HNRNPM: variants seen among roughly 807,000 people sequenced by gnomAD.
The protein encoded by HNRNPM is heterogeneous nuclear ribonucleoprotein M.
A neutral mutation model predicts 73.1 loss-of-function variants in HNRNPM; 11 were observed. The ratio of observed to expected loss-of-function variants is 0.15; its 90% CI spans 0.09 to 0.25. HNRNPM has a LOEUF of 0.25. Among genes scored for constraint, HNRNPM ranks in the 10% least tolerant of loss-of-function variants. The probability of loss-of-function intolerance (pLI) is 1.00; values close to 1 mark genes in which losing one functional copy is unlikely to be tolerated. For missense variants in HNRNPM, 789 were observed against 1,067.9 expected, an observed-to-expected ratio of 0.74 and a Z score of 3.64; for synonymous variants, 407 against 355.2, an observed-to-expected ratio of 1.15 and a Z score of -1.64.
intron 12 of HNRNPM, among the ~76,000 whole-genome samples, chr19:8,474,560 A>G (rs1970374277): frequency 6.6e-6 from 1 of 152,136 alleles, no homozygotes; most frequent in South Asian, 2.1e-4. Flanking sequence ...TTTGTAATCA[A>G]GTTTGTCTCT....
chr19:8,476,523 G>A (rs77496093), intron 12 of HNRNPM, among the ~76,000 whole-genome samples: 1,714 of 151,828 alleles, frequency 0.011, 34 homozygotes, highest in African/African-American at 0.038. Context: ...TCGGCCAGGC[G>A]CGGTGGCTCA....
intron 2 of HNRNPM, among the ~76,000 whole-genome samples, chr19:8,458,735 TTAAG>T (rs1969194770): frequency 1.3e-5 from 2 of 152,322 alleles, no homozygotes; most frequent in South Asian, 4.1e-4. Flanking sequence ...ATACACCACT[TTAAG>T]TAAATTTCAA....
At position 8,462,267 on chromosome 19, in the gene HNRNPM, G is replaced by T; in HGVS notation, c.284-262G>T. 2.2e-6 allele frequency: 1 copy of T among 445,448 alleles called. No homozygotes were observed. Among genetic ancestry groups the T allele is most frequent in the Non-Finnish European group, 4.1e-6 (1 of 242,596 alleles). The allele number at this position is 445,448 out of a possible 1,614,324, so 27.6% of individuals were successfully genotyped here. A position where few individuals can be genotyped will look rare whatever the true frequency, so the allele number is the denominator to read the frequency against. ...CCTCTAGTCATGAATGAGTCTTCCA[G>T]ACAGGGAAATTGATACGGAAATCTG... On this transcript the variant is annotated intron_variant, in intron 2 of 15. Coordinates refer to ENST00000325495, the MANE Select transcript of HNRNPM (RefSeq NM_005968.5). This position sits in a 1 kb window ranked among gnomAD's most constrained non-coding sequence, Gnocchi z 4.5.
chr19:8,476,514 C>T (rs1382279147), intron 12 of HNRNPM, among the ~76,000 whole-genome samples: 1 of 151,392 alleles, frequency 6.6e-6, no homozygotes, highest in African/African-American at 2.4e-5. Flanking sequence ...TGTTAAATGT[C>T]GGCCAGGCGC....
At chr19:8,483,069 T>C (rs1971033496) in intron 12 of HNRNPM, 89 bp from the exon 13 acceptor site, 1 of 776,898 alleles carries the variant, frequency 1.3e-6, no homozygotes, top group East Asian at 2.5e-5. Flanking sequence ...TTTTTATTAG[T>C]AGTATTTCTA....
At chr19:8,473,232 G>C (rs1468777438) in intron 10 of HNRNPM, among the ~76,000 whole-genome samples, 1 of 151,960 alleles carries the variant, frequency 6.6e-6, no homozygotes, top group Non-Finnish European at 1.5e-5. Context: ...GACAGAAGGA[G>C]ACCCTGTCTC....
At chr19:8,475,964 T>A (rs548653678) in intron 12 of HNRNPM, among the ~76,000 whole-genome samples, 1 of 149,900 alleles carries the variant, frequency 6.7e-6, no homozygotes, top group African/African-American at 2.4e-5. Context: ...TTTGAGTTGT[T>A]GCTGTGAGGA....
intron 7 of HNRNPM, among the ~76,000 whole-genome samples, chr19:8,467,281 T>C (rs1485999332): frequency 6.6e-6 from 1 of 152,166 alleles, no homozygotes; most frequent in African/African-American, 2.4e-5. Context: ...CTTAAGAGGA[T>C]GGTTTGGTGA....
rs755386909 is a variant in HNRNPM, at chr19:8,473,685, G to A, written c.1019G>A (p.Gly340Glu). 1 of 1,576,646 alleles carries A rather than the reference G, an allele frequency of 6.3e-7. No homozygotes were observed. The highest frequency in any genetic ancestry group is 1.1e-5 in the South Asian group (1 of 89,714). The stretch of plus-strand genomic sequence containing the variant: ...TAAGGAATGGGAATGGAAGGCATAG[G>A]ATTTGGAATAAATAAAATGGGAGGT... ...GPAGMGMEGIGFGINKMGGME... is the reference protein window; with the variant it reads ...GPAGMGMEGIEFGINKMGGME... The change falls in exon 11 of 16, where the codon GGA becomes GAA. Residue 340 changes from glycine (G) to glutamate (E), a missense_variant. Transcript: ENST00000325495.
At position 8,485,642 on chromosome 19, in the gene HNRNPM, G is replaced by C; in HGVS notation, c.1214G>C (p.Gly405Ala). ...GGSVPGIERM[G>A]PGIDRLGGAG... Reference sequence around the variant, plus strand: ...AGCGTCCCTGGGATCGAGAGGATGGGTCCTGGCATTGACCGCCTCGGGGGT... The same window carrying C: ...AGCGTCCCTGGGATCGAGAGGATGGCTCCTGGCATTGACCGCCTCGGGGGT... Residue 405 changes from glycine (G) to alanine (A), a missense_variant, in exon 14 of 16, where the codon GGT (glycine) becomes GCT (alanine). Around this residue, in one of 4 missense-constraint regions of HNRNPM, gnomAD observed 604 missense variants for 744.0 expected, o/e 0.81. Transcript: ENST00000325495. 1 of 1,607,102 alleles carries C rather than the reference G, an allele frequency of 6.2e-7. No homozygotes were observed. Among genetic ancestry groups the C allele is most frequent in the Non-Finnish European group, 8.5e-7 (1 of 1,178,876 alleles).
chr19:8,450,957 A>G (rs952468248), intron 1 of HNRNPM, among the ~76,000 whole-genome samples: 23 of 151,780 alleles, frequency 1.5e-4, no homozygotes, highest in African/African-American at 5.6e-4. Context: ...CCCAGGCTGG[A>G]GTGCAATGGC....
At position 8,445,128 on chromosome 19, in the gene HNRNPM, C is replaced by T; in HGVS notation, c.113+17C>T. 2.2e-6 allele frequency: 3 copies of T among 1,386,052 alleles called. No homozygotes were observed. Among genetic ancestry groups the T allele is most frequent in the South Asian group, 3.3e-5 (2 of 59,710 alleles). 85.9% of individuals were successfully genotyped at this position (1,386,052 alleles called of 1,614,324 possible). Reference sequence around the variant, plus strand: ...CCCTAAGGGGTGAGTATCCCACGGTCCTTTGCCACGGGTAAGGGTTCCTCT... The same window carrying T: ...CCCTAAGGGGTGAGTATCCCACGGTTCTTTGCCACGGGTAAGGGTTCCTCT... On this transcript the variant is annotated intron_variant, in intron 1 of 15. Coordinates refer to ENST00000325495, the MANE Select transcript of HNRNPM (RefSeq NM_005968.5).
At position 8,486,468 on chromosome 19, in the gene HNRNPM, T is replaced by G. The variant is rs79830188; in HGVS notation, c.1977+63T>G. On this transcript the variant is annotated intron_variant, in intron 14 of 15. Coordinates refer to ENST00000325495, the MANE Select transcript of HNRNPM (RefSeq NM_005968.5). ...CATGAGGGGACAGGGGAGGCAAAGA[T>G]CAGCAGGATGAAGTCAGAGGTGGCG... The G allele has an allele frequency of 1.8e-5, 26 of 1,419,894 alleles. No individual in the cohort carries two copies. The African/African-American group carries it at 3.3e-4, about 18-fold the overall frequency. The allele number at this position is 1,419,894 out of a possible 1,614,324, so 88.0% of individuals were successfully genotyped here.
chr19:8,457,603 G>A (rs1969109019), intron 2 of HNRNPM, among the ~76,000 whole-genome samples: 1 of 152,134 alleles, frequency 6.6e-6, no homozygotes, highest in Non-Finnish European at 1.5e-5. Flanking sequence ...AGGATTGTGG[G>A]TAAAGTGACT....
At chr19:8,464,524 C>T (rs565543532) in intron 5 of HNRNPM, among the ~76,000 whole-genome samples, 3 of 149,864 alleles carry the variant, frequency 2.0e-5, no homozygotes, top group African/African-American at 7.4e-5. Flanking sequence ...TCCATCTACT[C>T]GGGAGGCTGA....
chr19:8,452,598 C>A (rs1374936832), intron 1 of HNRNPM, among the ~76,000 whole-genome samples: 1 of 152,134 alleles, frequency 6.6e-6, no homozygotes, highest in Non-Finnish European at 1.5e-5. Flanking sequence ...AGGTAGATTG[C>A]GTTCTAGGCA....
intron 9 of HNRNPM, among the ~76,000 whole-genome samples, chr19:8,469,842 G>T (rs1234292465): frequency 6.6e-6 from 1 of 152,250 alleles, no homozygotes; most frequent in Non-Finnish European, 1.5e-5. Flanking sequence ...TACTCACTGA[G>T]TTGGATGGGA....
At chr19:8,454,159 C>A (rs1217532359) in intron 1 of HNRNPM, among the ~76,000 whole-genome samples, 2 of 152,166 alleles carry the variant, frequency 1.3e-5, no homozygotes, top group Non-Finnish European at 2.9e-5. Flanking sequence ...TGATGTTTTG[C>A]AGCAATCTGC....
intron 8 of HNRNPM, 60 bp from the exon 9 acceptor site, chr19:8,468,714 T>C (rs965486889): frequency 3.0e-6 from 4 of 1,312,406 alleles, no homozygotes; most frequent in Non-Finnish European, 4.4e-6. Context: ...TTCAGTCTTT[T>C]GCTGTTGCAA....
Sources: allele counts gnomAD v4.1 joint callset (sites outside exome capture counted in the v4.1 genomes callset), GRCh38; gene constraint gnomAD v4.1.1; regional missense constraint gnomAD v4.1.1; non-coding constraint Gnocchi (gnomAD v3.1); transcripts MANE v1.5; gene names NCBI Gene and HGNC (gene_info 2026-07-23, HGNC 2026-07-21).